Variants in MNAT1 observed in about 807,000 individuals in gnomAD.
The protein encoded by MNAT1 is MNAT1 component of CDK activating kinase.
MNAT1 carries 43 observed loss-of-function variants against 42.0 expected under a neutral mutation model. That is an observed-to-expected ratio of 1.02 (90% CI 0.80 to 1.32). The LOEUF (loss-of-function observed/expected upper bound fraction) is 1.32, where lower values mean the gene tolerates loss of function less well. Ranked by LOEUF, MNAT1 falls within the 40% of genes most tolerant of loss-of-function variation. MNAT1 has a pLI of 0.00. For synonymous variants in MNAT1, 118 were observed against 120.0 expected (o/e 0.98, Z 0.11); for missense variants, 306 against 350.4 (o/e 0.87, Z 1.01).
chr14:60,885,466 T>C (rs2034645340), intron 7 of MNAT1, among the ~76,000 whole-genome samples: 1 of 152,016 alleles, frequency 6.6e-6, no homozygotes, highest in Non-Finnish European at 1.5e-5. Flanking sequence ...AATTCTGCTA[T>C]TAAGAGACTC....
intron 4 of MNAT1, among the ~76,000 whole-genome samples, chr14:60,809,929 T>C (rs1164441660): frequency 6.6e-6 from 1 of 152,096 alleles, no homozygotes; most frequent in African/African-American, 2.4e-5. Flanking sequence ...TTGAGAAGGA[T>C]TGATATTAAT....
intron 6 of MNAT1, among the ~76,000 whole-genome samples, chr14:60,857,324 C>T (rs757832446): frequency 3.9e-5 from 6 of 152,036 alleles, no homozygotes; most frequent in African/African-American, 1.2e-4. Context: ...AAGACTTAAG[C>T]GGAAGAGGTA....
chr14:60,918,681 G>C (rs1305361563), intron 7 of MNAT1, among the ~76,000 whole-genome samples: 1 of 150,146 alleles, frequency 6.7e-6, no homozygotes, highest in Non-Finnish European at 1.5e-5. Context: ...CAAGGTTCTT[G>C]TTCCAAATTA....
At chr14:60,798,472 A>G (rs964323739) in intron 3 of MNAT1, among the ~76,000 whole-genome samples, 3 of 152,170 alleles carry the variant, frequency 2.0e-5, no homozygotes, top group Non-Finnish European at 1.5e-5. Context: ...GTTTAAATGA[A>G]TGGAAAACAT....
chr14:60,839,250 G>A (rs755399742), intron 6 of MNAT1, among the ~76,000 whole-genome samples: 1 of 152,104 alleles, frequency 6.6e-6, no homozygotes, highest in Non-Finnish European at 1.5e-5. Flanking sequence ...CAATTAGCAT[G>A]CACTTACTTC....
intron 1 of MNAT1, among the ~76,000 whole-genome samples, chr14:60,766,320 C>T (rs945045713): frequency 6.0e-5 from 9 of 149,676 alleles, no homozygotes; most frequent in African/African-American, 1.5e-4. Flanking sequence ...GCACTCCAGC[C>T]TGGGTGACAG....
chr14:60,861,784 G>A (rs1024234557), intron 6 of MNAT1, among the ~76,000 whole-genome samples: 1 of 152,166 alleles, frequency 6.6e-6, no homozygotes, highest in Non-Finnish European at 1.5e-5. Context: ...AACAAGGCAA[G>A]TCTTGATGCT....
intron 1 of MNAT1, among the ~76,000 whole-genome samples, chr14:60,786,580 A>G (rs1281662075): frequency 1.3e-5 from 2 of 152,208 alleles, no homozygotes; most frequent in Non-Finnish European, 2.9e-5. Flanking sequence ...ATGTTCATTT[A>G]TTCATCAAAA....
At chr14:60,905,806 A>G (rs1462612175) in intron 7 of MNAT1, among the ~76,000 whole-genome samples, 3 of 152,208 alleles carry the variant, frequency 2.0e-5, no homozygotes, top group African/African-American at 7.2e-5. Flanking sequence ...GATGACATCC[A>G]TCCACATTGG....
chr14:60,877,947 A>G (rs939692817), intron 6 of MNAT1, among the ~76,000 whole-genome samples: 2 of 152,076 alleles, frequency 1.3e-5, no homozygotes, highest in African/African-American at 4.8e-5. Context: ...TGAAATAAAT[A>G]CACATTTGGT....
At chr14:60,743,813 AT>A (rs1387269587) in intron 1 of MNAT1, among the ~76,000 whole-genome samples, 1 of 152,014 alleles carries the variant, frequency 6.6e-6, no homozygotes, top group East Asian at 1.9e-4. Flanking sequence ...TGTTCTTTAG[AT>A]TATATATTTT....
Position 60,918,357 on chromosome 14 carries a change from C to T in MNAT1, c.809+38522C>T, listed in dbSNP as rs1040425763. ...CTGAGTAGCTGGGACTACAGGCGCCCGCAACCATACCGGGCTAATTTTTTG... is the reference window on the plus strand; with the variant it reads ...CTGAGTAGCTGGGACTACAGGCGCCTGCAACCATACCGGGCTAATTTTTTG... On this transcript the variant is annotated intron_variant, in intron 7 of 7. Transcript: ENST00000261245. 4.6e-5 allele frequency among the ~76,000 whole-genome samples: 7 copies of T among 150,918 alleles called. No individual in the cohort carries two copies. In the East Asian group the frequency reaches 7.9e-4, roughly 17 times the overall value.
chr14:60,932,012 T>G (rs1407004856), intron 7 of MNAT1, among the ~76,000 whole-genome samples: 1 of 152,066 alleles, frequency 6.6e-6, no homozygotes, highest in African/African-American at 2.4e-5. Flanking sequence ...ATATTCATAC[T>G]TCTTACTCTT....
At chr14:60,735,065 G>A (rs1207981358) in intron 1 of MNAT1, 114 bp downstream of exon 1, 2 of 986,222 alleles carry the variant, frequency 2.0e-6, no homozygotes, top group Non-Finnish European at 3.2e-6. Flanking sequence ...TTTCAACACT[G>A]GGGAGGAAAA....
At chr14:60,892,283 T>A (rs561613405) in intron 7 of MNAT1, among the ~76,000 whole-genome samples, 1 of 152,268 alleles carries the variant, frequency 6.6e-6, no homozygotes, top group East Asian at 1.9e-4. Context: ...AAACTCTCCC[T>A]TTGGTTCATA....
chr14:60,759,532 C>T (rs1385425954), intron 1 of MNAT1, among the ~76,000 whole-genome samples: 1 of 152,172 alleles, frequency 6.6e-6, no homozygotes, highest in African/African-American at 2.4e-5. Context: ...TCCATATTCT[C>T]AACAGCATGG....
In MNAT1 at chr14:60,794,527, G is replaced by C. The variant is rs369221034; in HGVS notation, c.90-1690G>C. Among the ~76,000 whole-genome samples the C allele has an allele frequency of 1.1e-4, 16 of 150,092 alleles. No homozygotes were observed. In the East Asian group the frequency reaches 3.0e-3, roughly 28 times the overall value. ...AAAAAAATAAAAAAATTAGCAGAGC[G>C]TGACAGTGTGTGCTTGTTATCCCAG... On this transcript the variant is annotated intron_variant, in intron 1 of 7. Transcript: ENST00000261245.
intron 1 of MNAT1, among the ~76,000 whole-genome samples, chr14:60,783,097 C>T (rs1192730426): frequency 1.3e-5 from 2 of 152,150 alleles, no homozygotes; most frequent in Non-Finnish European, 2.9e-5. Flanking sequence ...TTTAGATTTG[C>T]CATAGAGTAA....
At position 60,895,804 on chromosome 14, in the gene MNAT1, G is replaced by A. The variant is rs79558601; in HGVS notation, c.809+15969G>A. ...AAAACAAAACAAAAGAAATCATCTC[G>A]TTTCCGTTTTCCAATATCTGCGTTG... On this transcript the variant is annotated intron_variant, in intron 7 of 7. Transcript: ENST00000261245. Among the ~76,000 whole-genome samples the A allele has an allele frequency of 5.2e-3, 792 of 152,124 alleles. 7 individuals are homozygous for A. Among genetic ancestry groups the A allele is most frequent in the African/African-American group, 0.018 (752 of 41,498 alleles).
Sources: allele counts gnomAD v4.1 joint callset (sites outside exome capture counted in the v4.1 genomes callset), GRCh38; gene constraint gnomAD v4.1.1; transcripts MANE v1.5; gene names NCBI Gene and HGNC (gene_info 2026-07-23, HGNC 2026-07-21).